GPR143: variants seen among roughly 807,000 people sequenced by gnomAD.
The protein encoded by GPR143 is G protein-coupled receptor 143.
GPR143 carries 8 observed loss-of-function variants against 27.6 expected under a neutral mutation model. The observed-to-expected ratio is 0.29, with a 90% confidence interval of 0.17 to 0.52. The LOEUF (loss-of-function observed/expected upper bound fraction) is 0.52, where lower values mean the gene tolerates loss of function less well. GPR143 is among the 20% of genes least tolerant of loss of function. The pLI is 0.96. For synonymous variants in GPR143, 156 were observed against 153.2 expected (o/e 1.02, Z -0.13); for missense variants, 303 against 343.1 (o/e 0.88, Z 0.92).
intron 8 of GPR143, among the ~76,000 whole-genome samples, chrX:9,726,370 G>A (rs2083327677): frequency 9.0e-6 from 1 of 111,221 alleles, no homozygotes; most frequent in Non-Finnish European, 1.9e-5. Context: ...TTTCATGGAC[G>A]ATGCCATATG....
chrX:9,730,349 A>G (rs2083347554), intron 8 of GPR143, among the ~76,000 whole-genome samples: 1 of 107,416 alleles, frequency 9.3e-6, no homozygotes, highest in African/African-American at 3.5e-5. Context: ...ACTCCACTTC[A>G]AGGTGTTAAA....
At chrX:9,738,445 C>T in intron 8 of GPR143, 1 of 743,005 alleles carries the variant, frequency 1.3e-6, no homozygotes, top group Non-Finnish European at 1.6e-6. Flanking sequence ...TAAATCTTCT[C>T]TCTGTGTCTT....
intron 8 of GPR143, among the ~76,000 whole-genome samples, chrX:9,730,686 C>T (rs944150767): frequency 4.5e-5 from 5 of 111,977 alleles, no homozygotes; most frequent in African/African-American, 1.3e-4. Flanking sequence ...GGTCTAACAG[C>T]TTACTAGAAA....
chrX:9,743,498 A>G, intron 6 of GPR143, 67 bp downstream of exon 6: 2 of 628,397 alleles, frequency 3.2e-6, no homozygotes, highest in Non-Finnish European at 5.5e-6. Context: ...CGCATGCAAC[A>G]TGGCAAGTTG....
At position 9,754,366 on chromosome X, in the gene GPR143, G is replaced by A. The variant is rs1030139154; in HGVS notation, c.455+4966C>T. Among the ~76,000 whole-genome samples, 23 of 111,758 alleles carry A rather than the reference G, an allele frequency of 2.1e-4. No homozygotes were observed. In the Admixed American group the frequency reaches 2.2e-3, roughly 11 times the overall value. On this transcript the variant is annotated intron_variant, in intron 3 of 8. Coordinates refer to ENST00000467482, the MANE Select transcript of GPR143 (RefSeq NM_000273.3). ...CCCTAGCCTGGCTGGGCTGGGAGCGGGTGAGGGTTGGGGGTATGTCTCAGC... is the reference window on the plus strand; with the variant it reads ...CCCTAGCCTGGCTGGGCTGGGAGCGAGTGAGGGTTGGGGGTATGTCTCAGC...
At chrX:9,765,016 T>C (rs1601891073) in intron 1 of GPR143, among the ~76,000 whole-genome samples, 1 of 59,273 alleles carries the variant, frequency 1.7e-5, no homozygotes, top group South Asian at 8.6e-4. Flanking sequence ...AGAGCAAGAC[T>C]CCGTCTCAAA....
intron 1 of GPR143, among the ~76,000 whole-genome samples, chrX:9,761,486 G>A (rs2083500473): frequency 8.9e-6 from 1 of 112,696 alleles, no homozygotes; most frequent in African/African-American, 3.2e-5. Context: ...TTGTTTGTCT[G>A]TTGGTTTACT....
intron 6 of GPR143, among the ~76,000 whole-genome samples, chrX:9,741,698 G>A (rs940595854): frequency 1.8e-5 from 2 of 111,073 alleles, no homozygotes; most frequent in Non-Finnish European, 3.8e-5. Flanking sequence ...ACCAGCCTGG[G>A]CAACACAGTG....
intron 8 of GPR143, among the ~76,000 whole-genome samples, chrX:9,734,914 C>T (rs1413097785): frequency 4.5e-5 from 5 of 112,005 alleles, no homozygotes; most frequent in African/African-American, 9.7e-5. Flanking sequence ...AGCGCAGGCC[C>T]GGGAGTTGGG....
At chrX:9,765,861 C>A (rs771969783), upstream of GPR143, 2,247 of 1,026,875 alleles carry the variant, frequency 2.2e-3, 4 homozygotes, top group Non-Finnish European at 2.6e-3. Flanking sequence ...AGGACCCCGC[C>A]GGCCTGCCTG....
chrX:9,754,725 G>A (rs1380536900), intron 3 of GPR143, among the ~76,000 whole-genome samples: 1 of 111,386 alleles, frequency 9.0e-6, no homozygotes, highest in Non-Finnish European at 1.9e-5. Flanking sequence ...CTGTCCTCTG[G>A]GTCCAGACAG....
intron 2 of GPR143, among the ~76,000 whole-genome samples, chrX:9,759,822 A>C (rs1211157582): frequency 9.0e-6 from 1 of 111,643 alleles, no homozygotes; most frequent in Non-Finnish European, 1.9e-5. Flanking sequence ...CCAGTGTTAG[A>C]AACGACACAA....
chrX:9,760,558 T>A (rs375759281), intron 2 of GPR143, among the ~76,000 whole-genome samples, 159 bp downstream of exon 2: 3 of 111,100 alleles, frequency 2.7e-5, no homozygotes, highest in African/African-American at 6.6e-5. Context: ...CAGCATCCCC[T>A]GGAGGGTTTT....
chrX:9,773,644 G>A (rs1434177886), intron 1 of GPR143, among the ~76,000 whole-genome samples: 3 of 111,130 alleles, frequency 2.7e-5, no homozygotes, highest in Non-Finnish European at 5.7e-5. Context: ...AGGCCGAGGC[G>A]GGTGGGTCAC....
intron 5 of GPR143, 142 bp downstream of exon 5, chrX:9,745,902 G>A: frequency 1.9e-6 from 1 of 527,348 alleles, no homozygotes; most frequent in East Asian, 3.5e-5. Flanking sequence ...TTCTGCAGCT[G>A]TGTTCTGCTG....
Position 9,725,473 on chromosome X carries a change from C to T in GPR143, c.*273G>A, listed in dbSNP as rs2083320985. On this transcript the variant is annotated 3_prime_UTR_variant, in exon 9 of 9. Coordinates refer to ENST00000467482, the MANE Select transcript of GPR143 (RefSeq NM_000273.3). ...GGATGTGGACCTTACACTTACTTTA[C>T]AGCCAGCCTCAGAAAACTTCCTAGT... 1.5e-5 allele frequency: 5 copies of T among 327,365 alleles called. No individual in the cohort carries two copies. The highest frequency in any genetic ancestry group is 2.1e-5 in the Non-Finnish European group (4 of 188,130). The allele number at this position is 327,365 out of a possible 1,213,427, so 27.0% of individuals were successfully genotyped here.
chrX:9,750,274 A>G (rs1461466899), intron 3 of GPR143, among the ~76,000 whole-genome samples: 2 of 111,097 alleles, frequency 1.8e-5, no homozygotes, highest in Admixed American at 1.9e-4. Flanking sequence ...CAGTGATGCA[A>G]TCATAGTTCA....
intron 8 of GPR143, chrX:9,738,640 T>G (rs1569117291): frequency 1.2e-5 from 4 of 324,527 alleles, no homozygotes; most frequent in Non-Finnish European, 1.6e-5. Flanking sequence ...TGTTTTGTTT[T>G]TTAGACGGGG....
At chrX:9,760,971 G>A (rs1200235470) in intron 1 of GPR143, 145 bp from the exon 2 acceptor site, 2 of 435,415 alleles carry the variant, frequency 4.6e-6, no homozygotes, top group Admixed American at 3.6e-5. Context: ...GGGAGGGAGA[G>A]AGGGAGGGAA....
Sources: gnomAD v4.1 joint callset for allele counts (sites outside exome capture counted in the v4.1 genomes callset) on GRCh38, gnomAD v4.1.1 for gene constraint, MANE v1.5 for transcripts, NCBI Gene and HGNC (gene_info 2026-07-23, HGNC 2026-07-21) for gene names.